The following FYTTD1 variants were observed in gnomAD, a reference collection of about 807,000 sequenced individuals.
The protein encoded by FYTTD1 is forty-two-three domain containing 1.
In FYTTD1, 22 loss-of-function variants were observed where a neutral mutation model predicts 40.9. That is an observed-to-expected ratio of 0.54 (90% CI 0.38 to 0.77). The LOEUF (loss-of-function observed/expected upper bound fraction) is 0.77. FYTTD1 is among the 30% of genes least tolerant of loss of function. The pLI is 0.00. For missense variants in FYTTD1, 351 were observed against 392.2 expected, an observed-to-expected ratio of 0.90 and a Z score of 0.89; for synonymous variants, 140 against 137.9, an observed-to-expected ratio of 1.01 and a Z score of -0.10.
At chr3:197,750,358 C>G (rs1321831498) in intron 1 of FYTTD1, 11 of 1,123,468 alleles carry the variant, frequency 9.8e-6, no homozygotes, top group Non-Finnish European at 1.2e-5. Context: ...TTCGCAGGGT[C>G]GCGGGGGGCG....
intron 1 of FYTTD1, among the ~76,000 whole-genome samples, chr3:197,754,467 C>T (rs1035547989): frequency 1.3e-5 from 2 of 152,126 alleles, no homozygotes; most frequent in African/African-American, 4.8e-5. Flanking sequence ...TACAAAGGAC[C>T]TTCAAGTTAT....
chr3:197,787,284 T>C lies in FYTTD1; in HGVS notation c.*5375T>C, dbSNP rs536630629. 1.3e-5 allele frequency: 2 copies of C among 151,508 alleles called. No homozygotes were observed. Among genetic ancestry groups the C allele is most frequent in the African/African-American group, 4.8e-5 (2 of 41,266 alleles). 9.4% of individuals were successfully genotyped at this position (151,508 alleles called of 1,614,324 possible). ...TGCCACTACACCCAGCTAATTTTTGTACTAAGACGAGGTTTCACCATATTG... is the reference window on the plus strand; with the variant it reads ...TGCCACTACACCCAGCTAATTTTTGCACTAAGACGAGGTTTCACCATATTG... On this transcript the variant is annotated 3_prime_UTR_variant, in exon 9 of 9. Transcript: ENST00000241502.
In FYTTD1 at chr3:197,768,475, T is replaced by A. The variant is rs747480786; in HGVS notation, c.272T>A (p.Val91Glu). ...ACTAGTCTGAATCGTAGAGGAAGAG[T>A]AATGCCTGGAAAGAGACGTCCTAAT... ...GKTSLNRRGR[V>E]MPGKRRPNGV... The change falls in exon 3 of 9, where the codon GTA (valine) becomes GAA (glutamate). Residue 91 changes from valine to glutamate, a missense_variant. Transcript: ENST00000241502. 3.1e-6 allele frequency: 5 copies of A among 1,612,302 alleles called. No individual in the cohort carries two copies. The highest frequency in any genetic ancestry group is 4.2e-6 in the Non-Finnish European group (5 of 1,178,604).
chr3:197,767,073 C>A (rs539267293), intron 2 of FYTTD1, among the ~76,000 whole-genome samples: 1 of 148,676 alleles, frequency 6.7e-6, no homozygotes, highest in African/African-American at 2.5e-5. Context: ...TTTAATTTAC[C>A]CCCTTTTTTT....
chr3:197,758,155 G>A (rs1221733159), intron 2 of FYTTD1, among the ~76,000 whole-genome samples: 2 of 151,474 alleles, frequency 1.3e-5, no homozygotes, highest in South Asian at 2.1e-4. Context: ...CACCTGCCTC[G>A]GCCTCCTGCC....
At position 197,782,573 on chromosome 3, in the gene FYTTD1, T is replaced by C. The variant is rs1273272764; in HGVS notation, c.*664T>C. The C allele has an allele frequency of 1.3e-5, 2 of 152,218 alleles. No homozygotes were observed. The highest frequency in any genetic ancestry group is 1.5e-5 in the Non-Finnish European group (1 of 68,042). 9.4% of individuals were successfully genotyped at this position (152,218 alleles called of 1,614,324 possible). A position where few individuals can be genotyped will look rare whatever the true frequency, so the allele number is the denominator to read the frequency against. ...GGTGTTTAGAGACTGTAAATGCATA[T>C]TCACAAAGTTATCTGATAGGGCCTT... On this transcript the variant is annotated 3_prime_UTR_variant, in exon 9 of 9. Transcript: ENST00000241502.
At position 197,770,142 on chromosome 3, in the gene FYTTD1, A is replaced by C; in HGVS notation, c.395A>C (p.Gln132Pro). ...RPPLSDKNIEQYFPVLKRKAN... is the reference protein window; with the variant it reads ...RPPLSDKNIEPYFPVLKRKAN... ...CTTGCCTTCTGATAGAATATAGAAC[A>C]ATATTTTCCAGTGTTAAAAAGGAAG... is the stretch of plus-strand genomic sequence containing the variant. Residue 132 changes from glutamine to proline, a missense_variant, in exon 4 of 9, where the codon CAA becomes CCA. By Grantham distance (76) the Gln-to-Pro change is moderately conservative. Coordinates refer to ENST00000241502, the MANE Select transcript of FYTTD1 (RefSeq NM_032288.7). 6.3e-7 allele frequency: 1 copy of C among 1,599,196 alleles called. No homozygotes were observed. The highest frequency in any genetic ancestry group is 8.6e-7 in the Non-Finnish European group (1 of 1,168,240).
Position 197,750,502 on chromosome 3 carries a change from C to T in FYTTD1, c.103+428C>T, listed in dbSNP as rs1219238736. 3.0e-6 allele frequency: 3 copies of T among 987,448 alleles called. No individual in the cohort carries two copies. The African/African-American group carries it at 5.2e-5, about 17-fold the overall frequency. 61.2% of individuals were successfully genotyped at this position (987,448 alleles called of 1,614,324 possible). On this transcript the variant is annotated intron_variant, in intron 1 of 8. Transcript: ENST00000241502. Reference sequence around the variant, plus strand: ...GGGAATGGTCCGACCGAGCCGTTCTCTCTGAAGAAAGGTCTTGGAGAGCCC... The same window carrying T: ...GGGAATGGTCCGACCGAGCCGTTCTTTCTGAAGAAAGGTCTTGGAGAGCCC...
chr3:197,767,352 A>G (rs889797942), intron 2 of FYTTD1, among the ~76,000 whole-genome samples: 1 of 150,370 alleles, frequency 6.7e-6, no homozygotes, highest in African/African-American at 2.4e-5. Context: ...GTTTGCCAGG[A>G]TGGTCTCGAT....
Position 197,786,159 on chromosome 3 carries a change from A to T in FYTTD1, c.*4250A>T, listed in dbSNP as rs1170033646. The stretch of plus-strand genomic sequence containing the variant: ...AGATGGAGTTTCACTCTTGTTGCCC[A>T]GGTTGGAGTGCAATGGTGCGATCTC... On this transcript the variant is annotated 3_prime_UTR_variant, in exon 9 of 9. Transcript: ENST00000241502. 5 of 137,608 alleles carry T rather than the reference A, an allele frequency of 3.6e-5. No individual in the cohort carries two copies. The highest frequency in any genetic ancestry group is 3.0e-5 in the Non-Finnish European group (2 of 65,794). The allele number at this position is 137,608 out of a possible 1,614,324, so 8.5% of individuals were successfully genotyped here.
intron 1 of FYTTD1, chr3:197,750,718 C>T (rs890844752): frequency 1.1e-5 from 11 of 985,358 alleles, no homozygotes; most frequent in Middle Eastern, 5.2e-4. Context: ...TGAGCGCTGC[C>T]TAGAAAAGCA....
At chr3:197,751,697 A>G (rs899629079) in intron 1 of FYTTD1, among the ~76,000 whole-genome samples, 3 of 149,338 alleles carry the variant, frequency 2.0e-5, no homozygotes, top group African/African-American at 7.4e-5. Context: ...CAAATAATGT[A>G]ATAATGAATA....
intron 1 of FYTTD1, chr3:197,755,737 C>T: frequency 6.8e-7 from 1 of 1,475,716 alleles, no homozygotes; most frequent in Non-Finnish European, 9.2e-7. Context: ...ATCCGCCCAC[C>T]TCAGCCTCCC....
chr3:197,772,105 T>C (rs1729737499), intron 4 of FYTTD1, among the ~76,000 whole-genome samples: 1 of 151,644 alleles, frequency 6.6e-6, no homozygotes, highest in African/African-American at 2.4e-5. Flanking sequence ...AAAATAAAAA[T>C]AAAAAAACAA....
chr3:197,753,028 A>T (rs1245600851), intron 1 of FYTTD1, among the ~76,000 whole-genome samples: 3 of 152,270 alleles, frequency 2.0e-5, no homozygotes, highest in East Asian at 3.9e-4. Context: ...TGGAGGTAGC[A>T]ATGAAGTGCT....
intron 8 of FYTTD1, among the ~76,000 whole-genome samples, chr3:197,780,081 G>A (rs1729987886): frequency 7.1e-6 from 1 of 141,184 alleles, no homozygotes; most frequent in South Asian, 2.3e-4. Flanking sequence ...CCACACCTGG[G>A]GATACAGGCA....
intron 2 of FYTTD1, among the ~76,000 whole-genome samples, chr3:197,759,904 C>CTCAGTGGTAGAACGTATAGAGTGTTCT (rs1560493842): frequency 6.9e-6 from 1 of 144,104 alleles, no homozygotes; most frequent in African/African-American, 2.7e-5. Flanking sequence ...TAGGGTGTTC[C>CTCAGTGGTAGAACGTATAGAGTGTTCT]TCAGTGGTAG....
intron 1 of FYTTD1, chr3:197,755,609 CTAATTTAT>C (rs1461031392): frequency 2.6e-4 from 54 of 205,086 alleles, no homozygotes; most frequent in Middle Eastern, 1.8e-3. Flanking sequence ...CCATACCCGG[CTAATTTAT>C]TTATTTATTT....
At chr3:197,751,336 C>T (rs903573276) in intron 1 of FYTTD1, among the ~76,000 whole-genome samples, 2 of 152,182 alleles carry the variant, frequency 1.3e-5, no homozygotes, top group Non-Finnish European at 2.9e-5. Flanking sequence ...TAGTAGTGAG[C>T]TTGTAAGAAA....
Sources: allele counts gnomAD v4.1 joint callset (sites outside exome capture counted in the v4.1 genomes callset), GRCh38; gene constraint gnomAD v4.1.1; transcripts MANE v1.5; gene names NCBI Gene and HGNC (gene_info 2026-07-23, HGNC 2026-07-21).